SEC31A: variants seen among roughly 807,000 people sequenced by gnomAD.
SEC31A encodes protein transport protein Sec31A.
In SEC31A, 70 loss-of-function variants were observed where a neutral mutation model predicts 151.0. The ratio of observed to expected loss-of-function variants is 0.46; its 90% CI spans 0.38 to 0.57. The LOEUF (loss-of-function observed/expected upper bound fraction) is 0.57. Among genes scored for constraint, SEC31A ranks in the 20% least tolerant of loss-of-function variants. The pLI, the probability that SEC31A is intolerant of heterozygous loss-of-function variation, is 0.00. For synonymous variants in SEC31A, 475 were observed against 505.9 expected, an observed-to-expected ratio of 0.94 and a Z score of 0.82; for missense variants, 1,330 against 1,471.2, an observed-to-expected ratio of 0.90 and a Z score of 1.57.
rs557081098 is a variant in SEC31A, at chr4:82,843,006, G to A, written c.2627-525C>T. Among the ~76,000 whole-genome samples, 23 of 152,198 alleles carry A rather than the reference G, an allele frequency of 1.5e-4. 1 individual carries two copies. The South Asian group carries it at 4.1e-3, about 27-fold the overall frequency. ...AGTTTGAGCACAGTTCCAGATTAACGGCTAACTCTATGATCCCTAACAAAA... is the reference window on the plus strand; with the variant it reads ...AGTTTGAGCACAGTTCCAGATTAACAGCTAACTCTATGATCCCTAACAAAA... On this transcript the variant is annotated intron_variant, in intron 21 of 26. Transcript: ENST00000395310.
rs1211125500 is a variant in SEC31A at position 82,864,588 on chromosome 4, T to G, written c.1208A>C (p.Lys403Thr). The G allele has an allele frequency of 2.5e-6, 4 of 1,613,624 alleles. No homozygotes were observed. The highest frequency in any genetic ancestry group is 3.3e-5 in the Admixed American group (2 of 59,982). Reference sequence around the variant, plus strand: ...TCTGACATTCTCAAACGTAACCAGTTTGCCTCCAAACTATAAAAGAGAGAA... The same window carrying G: ...TCTGACATTCTCAAACGTAACCAGTGTGCCTCCAAACTATAAAAGAGAGAA... ...PVGASFSFGG[K>T]LVTFENVRMP... The change falls in exon 11 of 27, where the codon AAA becomes ACA. Residue 403 changes from lysine (K) to threonine (T), a missense_variant. By Grantham distance (78) the Lys-to-Thr change is moderately conservative. Coordinates refer to ENST00000395310, the MANE Select transcript of SEC31A (RefSeq NM_001077207.4).
Position 82,827,461 on chromosome 4 carries a change from G to C in SEC31A, c.3199C>G (p.Gln1067Glu). ...ATGCCTGTTTGACCAAGAGGTTGCT[G>C]TACGCCATGGAAGGGCTGGCCACCT... ...LPGGQPFHGVQQPLGQTGMPP... is the reference protein window; with the variant it reads ...LPGGQPFHGVEQPLGQTGMPP... Residue 1067 changes from glutamine to glutamate, a missense_variant, in exon 24 of 27, where the codon CAG (glutamine) becomes GAG (glutamate). Coordinates refer to ENST00000395310, the MANE Select transcript of SEC31A (RefSeq NM_001077207.4). 1.2e-6 allele frequency: 2 copies of C among 1,614,226 alleles called. No individual in the cohort carries two copies. Among genetic ancestry groups the C allele is most frequent in the East Asian group, 2.2e-5 (1 of 44,882 alleles).
upstream of SEC31A, among the ~76,000 whole-genome samples, chr4:82,892,226 C>CTAAGGT (rs1258762363): frequency 2.6e-5 from 4 of 152,208 alleles, no homozygotes; most frequent in Admixed American, 2.6e-4. Context: ...AACGCAGTAA[C>CTAAGGT]TAAGGTTATC....
At chr4:82,845,352 G>GA in intron 20 of SEC31A, 3 of 995,756 alleles carry the variant, frequency 3.0e-6, no homozygotes, top group South Asian at 4.4e-5. Flanking sequence ...GTTAAAAGAA[G>GA]AAAAAAACCC....
At chr4:82,831,661 G>A (rs778959665) in intron 22 of SEC31A, among the ~76,000 whole-genome samples, 20 of 152,152 alleles carry the variant, frequency 1.3e-4, no homozygotes, top group Middle Eastern at 3.2e-3. Flanking sequence ...CTGGATTTAG[G>A]AGGCCCCAGT....
rs1206062073 is a variant in SEC31A, at chr4:82,867,058, T to C, written c.1044+97A>G. ...AAATTTTTGATCACAATTGTCCAAT[T>C]AACCAGCATTGTTAATCAGTGAAGT... On this transcript the variant is annotated intron_variant, in intron 9 of 26. Coordinates refer to ENST00000395310, the MANE Select transcript of SEC31A (RefSeq NM_001077207.4). The C allele has an allele frequency of 2.6e-6, 4 of 1,541,860 alleles. No homozygotes were observed. In the African/African-American group the frequency reaches 5.5e-5, roughly 21 times the overall value.
At chr4:82,860,022 G>C (rs1560630274) in intron 14 of SEC31A, among the ~76,000 whole-genome samples, 1 of 152,060 alleles carries the variant, frequency 6.6e-6, no homozygotes, top group Non-Finnish European at 1.5e-5. Flanking sequence ...TTAATCTCCT[G>C]ACCTCGTGAT....
At chr4:82,874,488 G>T in intron 6 of SEC31A, 123 bp downstream of exon 6, 1 of 940,502 alleles carries the variant, frequency 1.1e-6, no homozygotes, top group Non-Finnish European at 1.6e-6. Flanking sequence ...TAACATGACT[G>T]ATTAATAAAA....
At chr4:82,884,517 T>C (rs1350127976) in intron 1 of SEC31A, among the ~76,000 whole-genome samples, 1 of 152,188 alleles carries the variant, frequency 6.6e-6, no homozygotes, top group Non-Finnish European at 1.5e-5. Flanking sequence ...TCGCACATCA[T>C]AAAGGTCTAT....
At chr4:82,861,268 T>C (rs1163181026) in intron 14 of SEC31A, among the ~76,000 whole-genome samples, 1 of 152,218 alleles carries the variant, frequency 6.6e-6, no homozygotes, top group Non-Finnish European at 1.5e-5. Context: ...CCACTGATAG[T>C]TGGCCCAAAA....
At position 82,856,968 on chromosome 4, in the gene SEC31A, T is replaced by C. The variant is rs752268717; in HGVS notation, c.1865A>G (p.Gln622Arg). Reference protein sequence around the residue: ...RTQKKYFAKSQSKITRLITAV... With the variant: ...RTQKKYFAKSRSKITRLITAV... ...ATAACATACCCTGGTAATTTTGCTT[T>C]GGGATTTTGCGAAGTATTTTTTCTG... The change falls in exon 16 of 27, where the codon CAA (glutamine) becomes CGA (arginine). Residue 622 changes from glutamine to arginine, a missense_variant. Gln to Arg is a conservative substitution (Grantham distance 43, BLOSUM62 1). Transcript: ENST00000395310. 3.1e-6 allele frequency: 5 copies of C among 1,606,204 alleles called. No homozygotes were observed. The highest frequency in any genetic ancestry group is 1.8e-5 in the Admixed American group (1 of 56,892).
At chr4:82,822,653 C>T (rs924902211) in intron 25 of SEC31A, among the ~76,000 whole-genome samples, 2 of 152,076 alleles carry the variant, frequency 1.3e-5, no homozygotes, top group Admixed American at 6.6e-5. Context: ...TGAACTTTTG[C>T]GGAAAGGAAA....
intron 3 of SEC31A, among the ~76,000 whole-genome samples, chr4:82,880,177 C>T (rs1475508973): frequency 6.7e-6 from 1 of 148,732 alleles, no homozygotes; most frequent in Non-Finnish European, 1.5e-5. Context: ...GAGTGAAACT[C>T]CATCTCAAAA....
intron 7 of SEC31A, 55 bp downstream of exon 7, chr4:82,871,889 A>G: frequency 6.2e-7 from 1 of 1,611,660 alleles, no homozygotes; most frequent in Non-Finnish European, 8.5e-7. Context: ...CGAAAACATC[A>G]CCGACATGTT....
At chr4:82,863,243 T>C (rs2149497730) in intron 12 of SEC31A, 75 bp downstream of exon 12, 1 of 850,264 alleles carries the variant, frequency 1.2e-6, no homozygotes, top group East Asian at 2.7e-5. Context: ...TGATTTGAGA[T>C]AATCTGTGTA....
At chr4:82,889,904 G>A (rs1741908222) in intron 1 of SEC31A, among the ~76,000 whole-genome samples, 3 of 152,114 alleles carry the variant, frequency 2.0e-5, no homozygotes, top group Non-Finnish European at 2.9e-5. Flanking sequence ...AAGGGATAGT[G>A]AGAAACAAGG....
chr4:82,878,666 T>C, intron 4 of SEC31A, 64 bp downstream of exon 4: 1 of 1,372,232 alleles, frequency 7.3e-7, no homozygotes, highest in East Asian at 2.3e-5. Flanking sequence ...GCATAGTAGA[T>C]TCATATACTG....
chr4:82,890,052 AC>A (rs1741946017), intron 1 of SEC31A, among the ~76,000 whole-genome samples: 1 of 151,898 alleles, frequency 6.6e-6, no homozygotes, highest in Admixed American at 6.6e-5. Context: ...ACAGCGTGAA[AC>A]CCCGTCTCTA....
Position 82,850,759 on chromosome 4 carries a change from A to G in SEC31A, c.2328+672T>C, listed in dbSNP as rs1271241743. Among the ~76,000 whole-genome samples the G allele has an allele frequency of 2.6e-5, 4 of 152,136 alleles. No individual in the cohort carries two copies. In the East Asian group the frequency reaches 7.7e-4, roughly 29 times the overall value. On this transcript the variant is annotated intron_variant, in intron 19 of 26. Transcript: ENST00000395310. ...ATACCCTTATCACAGTACTTATATC[A>G]CACTTCTGGAATCTCATGTTTACTT...
Sources: gnomAD v4.1 joint callset for allele counts (sites outside exome capture counted in the v4.1 genomes callset) on GRCh38, gnomAD v4.1.1 for gene constraint, MANE v1.5 for transcripts, NCBI Gene and HGNC (gene_info 2026-07-23, HGNC 2026-07-21) for gene names.